ANKH: variants seen among roughly 807,000 people sequenced by gnomAD.
ANKH encodes the protein ANKH inorganic pyrophosphate transport regulator.
Under a neutral mutation model 49.0 loss-of-function variants are expected in ANKH, and 15 were observed. The ratio of observed to expected loss-of-function variants is 0.31; its 90% confidence interval spans 0.20 to 0.47. ANKH has a LOEUF of 0.47. Among genes scored for constraint, ANKH ranks in the 20% least tolerant of loss-of-function variants. ANKH has a pLI of 1.00. For missense variants in ANKH, 429 were observed against 652.0 expected (o/e 0.66, Z 3.72); for synonymous variants, 273 against 260.0 (o/e 1.05, Z -0.48).
intron 8 of ANKH, chr5:14,724,577 A>AGAGCTTGGTTTTCT: frequency 7.1e-6 from 7 of 985,414 alleles, no homozygotes; most frequent in Non-Finnish European, 8.4e-6. Flanking sequence ...AGTCCGAAAC[A>AGAGCTTGGTTTTCT]GAGCTTGGTT....
chr5:14,820,288 T>C (rs1164157190), intron 1 of ANKH, among the ~76,000 whole-genome samples: 2 of 152,210 alleles, frequency 1.3e-5, no homozygotes, highest in East Asian at 1.9e-4. Context: ...CTCTGTACCA[T>C]TTTACAATAA....
intron 1 of ANKH, among the ~76,000 whole-genome samples, chr5:14,810,114 T>G (rs552846718): frequency 5.4e-4 from 82 of 151,942 alleles, no homozygotes; most frequent in South Asian, 1.7e-3. Flanking sequence ...ATTCTGAGCT[T>G]CATGAGGGAG....
chr5:14,802,480 G>A (rs534853929), intron 1 of ANKH, among the ~76,000 whole-genome samples: 3 of 151,982 alleles, frequency 2.0e-5, no homozygotes, highest in African/African-American at 4.8e-5. Context: ...TTGTCCCCTC[G>A]AGTCCATTTT....
At chr5:14,749,353 A>G (rs772808278) in intron 5 of ANKH, 47 bp from the exon 6 acceptor site, 19 of 1,608,162 alleles carry the variant, frequency 1.2e-5, no homozygotes, top group Non-Finnish European at 1.4e-5. Context: ...CTAGAAGCAG[A>G]ATGGAAAAAA....
intron 1 of ANKH, among the ~76,000 whole-genome samples, chr5:14,816,830 C>G (rs1741053579): frequency 6.6e-6 from 1 of 152,142 alleles, no homozygotes; most frequent in Non-Finnish European, 1.5e-5. Flanking sequence ...CGATGGCAAA[C>G]AAACTCTCCC....
chr5:14,730,571 T>G (rs990484030), intron 8 of ANKH, among the ~76,000 whole-genome samples: 2 of 152,180 alleles, frequency 1.3e-5, no homozygotes, highest in African/African-American at 4.8e-5. Context: ...TGCCTTCACC[T>G]GAGGGCAGGG....
At chr5:14,762,644 A>G (rs867012777) in intron 2 of ANKH, among the ~76,000 whole-genome samples, 3 of 150,264 alleles carry the variant, frequency 2.0e-5, no homozygotes, top group Middle Eastern at 3.2e-3. Context: ...GGGAGCTGTG[A>G]GTATAAAATC....
intron 2 of ANKH, among the ~76,000 whole-genome samples, chr5:14,760,059 G>A (rs188454181): frequency 3.3e-5 from 5 of 152,258 alleles, no homozygotes; most frequent in East Asian, 1.9e-4. Flanking sequence ...GGGGCAGGTC[G>A]GGGAGAGTGC....
chr5:14,813,831 C>CT (rs1187395569), intron 1 of ANKH, among the ~76,000 whole-genome samples: 9 of 152,116 alleles, frequency 5.9e-5, no homozygotes, highest in Non-Finnish European at 1.3e-4. Flanking sequence ...GGACTCTTAC[C>CT]CCTACAACAT....
At chr5:14,793,622 G>T (rs1010461554) in intron 1 of ANKH, among the ~76,000 whole-genome samples, 13 of 152,200 alleles carry the variant, frequency 8.5e-5, no homozygotes, top group African/African-American at 1.2e-4. Flanking sequence ...AGTCTTGCAG[G>T]AATGGTGGCT....
chr5:14,806,423 T>C (rs533887556), intron 1 of ANKH, among the ~76,000 whole-genome samples: 9 of 152,288 alleles, frequency 5.9e-5, no homozygotes, highest in African/African-American at 2.2e-4. Context: ...ATTTCAATAA[T>C]TGCCACTTAA....
At chr5:14,720,843 A>G in intron 8 of ANKH, among the ~76,000 whole-genome samples, 1 of 152,246 alleles carries the variant, frequency 6.6e-6, no homozygotes, top group Non-Finnish European at 1.5e-5. Flanking sequence ...TTGCAAAATC[A>G]TTGTAAAGTG....
chr5:14,726,152 T>C (rs1224072944), intron 8 of ANKH, among the ~76,000 whole-genome samples: 1 of 152,188 alleles, frequency 6.6e-6, no homozygotes, highest in East Asian at 1.9e-4. Flanking sequence ...GCACACTGAT[T>C]TGATATACTT....
chr5:14,788,515 A>G (rs1740051500), intron 1 of ANKH, among the ~76,000 whole-genome samples: 1 of 152,234 alleles, frequency 6.6e-6, no homozygotes, highest in South Asian at 2.1e-4. Flanking sequence ...AGGCAAATAC[A>G]CCACACACAC....
intron 1 of ANKH, among the ~76,000 whole-genome samples, chr5:14,802,746 C>T (rs1344584477): frequency 6.6e-6 from 1 of 152,078 alleles, no homozygotes; most frequent in Non-Finnish European, 1.5e-5. Context: ...TCCTACACAT[C>T]CCTCGTCTCA....
At chr5:14,803,716 C>A (rs1278451789) in intron 1 of ANKH, among the ~76,000 whole-genome samples, 1 of 152,208 alleles carries the variant, frequency 6.6e-6, no homozygotes, top group Non-Finnish European at 1.5e-5. Context: ...ATATGCAGAT[C>A]TAGCCCCTCT....
At chr5:14,827,880 A>T (rs1284032399) in intron 1 of ANKH, among the ~76,000 whole-genome samples, 1 of 152,164 alleles carries the variant, frequency 6.6e-6, no homozygotes, top group Non-Finnish European at 1.5e-5. Context: ...ATAATCTGAA[A>T]TGGTAACTTG....
chr5:14,757,430 A>ATATAT (rs1379233165), intron 3 of ANKH, among the ~76,000 whole-genome samples: 1 of 113,818 alleles, frequency 8.8e-6, no homozygotes, highest in African/African-American at 3.3e-5. Context: ...ATATATATAT[A>ATATAT]TTTTTTTTTT....
At chr5:14,773,380 CTAA>C (rs1739512287) in intron 1 of ANKH, among the ~76,000 whole-genome samples, 1 of 28,040 alleles carries the variant, frequency 3.6e-5, no homozygotes, top group African/African-American at 1.4e-4. Context: ...TTTTTTTTTG[CTAA>C]AAACACACCA....
Sources: allele counts gnomAD v4.1 joint callset (sites outside exome capture counted in the v4.1 genomes callset), GRCh38; gene constraint gnomAD v4.1.1; transcripts MANE v1.5; gene names NCBI Gene and HGNC (gene_info 2026-07-23, HGNC 2026-07-21).